Variants in PTPRQ observed in about 807,000 individuals in gnomAD.
PTPRQ encodes the protein protein tyrosine phosphatase receptor type Q.
A neutral mutation model predicts 246.0 loss-of-function variants in PTPRQ; 199 were observed. The observed-to-expected ratio is 0.81, with a 90% CI of 0.72 to 0.91. The LOEUF (loss-of-function observed/expected upper bound fraction) is 0.91, where lower values mean the gene tolerates loss of function less well. Among genes scored for constraint, PTPRQ ranks in the 40% least tolerant of loss-of-function variants. The pLI is 0.00. For missense variants in PTPRQ, 2,624 were observed against 2,528.4 expected, an observed-to-expected ratio of 1.04 and a Z score of -0.81; for synonymous variants, 869 against 853.2, an observed-to-expected ratio of 1.02 and a Z score of -0.32.
chr12:80,645,032 T>G (rs935262348), intron 35 of PTPRQ, among the ~76,000 whole-genome samples: 2 of 152,062 alleles, frequency 1.3e-5, no homozygotes, highest in Non-Finnish European at 2.9e-5. Flanking sequence ...ACATAAAAAC[T>G]GGACTACTAG....
intron 43 of PTPRQ, among the ~76,000 whole-genome samples, chr12:80,677,005 T>C (rs912767576): frequency 2.6e-5 from 4 of 152,126 alleles, no homozygotes; most frequent in African/African-American, 9.7e-5. Context: ...TTCACAACAG[T>C]ATGCTGCTTT....
intron 39 of PTPRQ, among the ~76,000 whole-genome samples, chr12:80,662,415 A>G (rs1900661376): frequency 6.6e-6 from 1 of 151,982 alleles, no homozygotes; most frequent in African/African-American, 2.4e-5. Flanking sequence ...GATTATATTT[A>G]GATGGGTAAA....
At chr12:80,638,007 C>T (rs1899721275) in intron 35 of PTPRQ, among the ~76,000 whole-genome samples, 1 of 152,060 alleles carries the variant, frequency 6.6e-6, no homozygotes. Context: ...GTGGCTCATG[C>T]CTGTAATCTC....
chr12:80,487,302 A>G (rs925394981), intron 9 of PTPRQ, among the ~76,000 whole-genome samples: 10 of 152,238 alleles, frequency 6.6e-5, no homozygotes, highest in Admixed American at 6.5e-5. Context: ...GAATGAGGAC[A>G]GAGATCTTGG....
chr12:80,636,861 G>T (rs1490902265), intron 35 of PTPRQ, among the ~76,000 whole-genome samples: 2 of 152,136 alleles, frequency 1.3e-5, no homozygotes, highest in Non-Finnish European at 2.9e-5. Flanking sequence ...TATCGAAGAG[G>T]TTACATTCGA....
chr12:80,467,901 A>C (rs1329389620), intron 6 of PTPRQ, among the ~76,000 whole-genome samples: 3 of 152,148 alleles, frequency 2.0e-5, no homozygotes, highest in Non-Finnish European at 2.9e-5. Flanking sequence ...AGTTATACCT[A>C]ATGCTAAATG....
intron 5 of PTPRQ, among the ~76,000 whole-genome samples, chr12:80,459,909 G>C (rs1003712345): frequency 6.6e-6 from 1 of 152,190 alleles, no homozygotes; most frequent in African/African-American, 2.4e-5. Flanking sequence ...GGAGGGAAGA[G>C]TACATGTAGG....
At chr12:80,678,303 C>G (rs1901210621) in intron 43 of PTPRQ, among the ~76,000 whole-genome samples, 1 of 152,028 alleles carries the variant, frequency 6.6e-6, no homozygotes, top group Non-Finnish European at 1.5e-5. Flanking sequence ...AACTCATAAA[C>G]AAATTTATGT....
At chr12:80,500,511 G>C (rs922863232) in intron 14 of PTPRQ, among the ~76,000 whole-genome samples, 2 of 151,936 alleles carry the variant, frequency 1.3e-5, no homozygotes. Context: ...CAACTGCAGA[G>C]AGAAAACTTC....
chr12:80,670,623 C>T, intron 42 of PTPRQ, 131 bp downstream of exon 42: 2 of 1,290,758 alleles, frequency 1.5e-6, no homozygotes, highest in Non-Finnish European at 2.0e-6. Flanking sequence ...TCACATTTAG[C>T]ATTTCTAGAC....
At chr12:80,573,165 T>C (rs944077719) in intron 25 of PTPRQ, among the ~76,000 whole-genome samples, 4 of 152,138 alleles carry the variant, frequency 2.6e-5, no homozygotes, top group African/African-American at 9.7e-5. Context: ...CTTTAATAAA[T>C]ATAGAACTAC....
intron 24 of PTPRQ, among the ~76,000 whole-genome samples, chr12:80,549,079 T>G (rs1896391600): frequency 6.6e-6 from 1 of 152,152 alleles, no homozygotes; most frequent in Non-Finnish European, 1.5e-5. Flanking sequence ...CCTGCATCTA[T>G]GTTTTGCATA....
chr12:80,486,372 C>T (rs917091579), intron 9 of PTPRQ, among the ~76,000 whole-genome samples: 3 of 152,220 alleles, frequency 2.0e-5, no homozygotes, highest in South Asian at 4.2e-4. Context: ...TTTATTAGAT[C>T]AGACTCATTT....
At chr12:80,487,982 C>G (rs1894332185) in intron 9 of PTPRQ, among the ~76,000 whole-genome samples, 1 of 152,044 alleles carries the variant, frequency 6.6e-6, no homozygotes, top group African/African-American at 2.4e-5. Context: ...AGGGAAGAAT[C>G]TACTTGCAGC....
chr12:80,655,979 A>G (rs75923329), intron 38 of PTPRQ, among the ~76,000 whole-genome samples: 2,596 of 152,298 alleles, frequency 0.017, 59 homozygotes, highest in African/African-American at 0.056. Flanking sequence ...CAGACGACCT[A>G]TGACCTTCAG....
At chr12:80,513,596 C>G (rs1346520160) in intron 17 of PTPRQ, among the ~76,000 whole-genome samples, 1 of 152,116 alleles carries the variant, frequency 6.6e-6, no homozygotes, top group East Asian at 1.9e-4. Flanking sequence ...CTGTCCTCAT[C>G]TAGGTCCCTG....
chr12:80,574,480 C>T (rs1897232076), intron 25 of PTPRQ, among the ~76,000 whole-genome samples: 1 of 151,706 alleles, frequency 6.6e-6, no homozygotes, highest in Admixed American at 6.6e-5. Flanking sequence ...ATTTTTAGTT[C>T]CTCTGTTCTT....
intron 14 of PTPRQ, among the ~76,000 whole-genome samples, chr12:80,504,093 A>G (rs1247713645): frequency 6.6e-6 from 1 of 151,568 alleles, no homozygotes; most frequent in Non-Finnish European, 1.5e-5. Flanking sequence ...AATTTTGATG[A>G]GCCTCAGCCA....
chr12:80,612,487 G>A (rs1472305323), intron 28 of PTPRQ, among the ~76,000 whole-genome samples: 1 of 150,316 alleles, frequency 6.7e-6, no homozygotes, highest in African/African-American at 2.4e-5. Flanking sequence ...TATTGTCTAT[G>A]TACTAGAACA....
Sources: gnomAD v4.1 joint callset for allele counts (sites outside exome capture counted in the v4.1 genomes callset) on GRCh38, gnomAD v4.1.1 for gene constraint, MANE v1.5 for transcripts, NCBI Gene and HGNC (gene_info 2026-07-23, HGNC 2026-07-21) for gene names.